PLXNA4: variants seen among roughly 807,000 people sequenced by gnomAD.
PLXNA4 encodes plexin A4, also known as plexin-A4.
In PLXNA4, 44 loss-of-function variants were observed where a neutral mutation model predicts 191.8. That is an observed-to-expected ratio of 0.23 (90% CI 0.18 to 0.29). The LOEUF (loss-of-function observed/expected upper bound fraction) is 0.29, where lower values mean the gene tolerates loss of function less well. Ranked by LOEUF, PLXNA4 falls within the 10% of genes least tolerant of loss-of-function variation. The pLI is 1.00. For missense variants in PLXNA4, 1,800 were observed against 2,488.8 expected (o/e 0.72, Z 5.89); for synonymous variants, 1,082 against 1,009.5 (o/e 1.07, Z -1.36).
intron 4 of PLXNA4, among the ~76,000 whole-genome samples, chr7:132,286,797 A>C (rs1356256036): frequency 1.3e-5 from 2 of 152,356 alleles, no homozygotes; most frequent in Non-Finnish European, 2.9e-5. Flanking sequence ...ACAGAGAAAA[A>C]TCCAGAGACA....
At chr7:132,162,334 C>CCAAG (rs1190150467) in intron 24 of PLXNA4, among the ~76,000 whole-genome samples, 1 of 152,238 alleles carries the variant, frequency 6.6e-6, no homozygotes, top group Admixed American at 6.5e-5. Context: ...CTCACTGCTC[C>CCAAG]TGTCCTCAAG....
chr7:132,407,839 C>T (rs1237064537), intron 3 of PLXNA4, among the ~76,000 whole-genome samples: 1 of 152,134 alleles, frequency 6.6e-6, no homozygotes, highest in Non-Finnish European at 1.5e-5. Flanking sequence ...TTTTATACAT[C>T]GGAAACAAGA....
intron 2 of PLXNA4, among the ~76,000 whole-genome samples, chr7:132,592,091 C>T (rs1252124012): frequency 6.6e-6 from 1 of 152,276 alleles, no homozygotes; most frequent in Non-Finnish European, 1.5e-5. Flanking sequence ...TGAAAGTCCC[C>T]TCAGGAAAGG....
At chr7:132,531,969 C>T (rs1476936591) in intron 1 of PLXNA4, among the ~76,000 whole-genome samples, 6 of 152,128 alleles carry the variant, frequency 3.9e-5, no homozygotes, top group South Asian at 2.1e-4. Flanking sequence ...ACTCAAAATC[C>T]GACATTGTAA....
At chr7:132,284,370 A>C (rs1800603361) in intron 4 of PLXNA4, among the ~76,000 whole-genome samples, 1 of 152,246 alleles carries the variant, frequency 6.6e-6, no homozygotes, top group African/African-American at 2.4e-5. Flanking sequence ...GGTCTCCTAC[A>C]CGTGTCATGC....
intron 1 of PLXNA4, among the ~76,000 whole-genome samples, chr7:132,548,748 C>G (rs1367089006): frequency 6.6e-6 from 1 of 152,060 alleles, no homozygotes; most frequent in Non-Finnish European, 1.5e-5. Flanking sequence ...GGCTACATTC[C>G]CAGAAGGTTA....
chr7:132,557,155 G>A (rs1800836723), intron 1 of PLXNA4, among the ~76,000 whole-genome samples: 1 of 152,210 alleles, frequency 6.6e-6, no homozygotes. Flanking sequence ...ATTGGGCTTT[G>A]CTATCCACAC....
At chr7:132,298,509 G>T (rs750039943) in intron 3 of PLXNA4, among the ~76,000 whole-genome samples, 1 of 152,228 alleles carries the variant, frequency 6.6e-6, no homozygotes, top group African/African-American at 2.4e-5. Context: ...CTTTCTTGCT[G>T]GTCTTTGGAG....
chr7:132,478,036 G>A (rs1300938940), intron 3 of PLXNA4, among the ~76,000 whole-genome samples: 2 of 152,202 alleles, frequency 1.3e-5, no homozygotes, highest in Non-Finnish European at 1.5e-5. Flanking sequence ...AGGCAGGGAA[G>A]CCATCAGTAC....
chr7:132,489,530 A>C, intron 2 of PLXNA4, 56 bp from the exon 3 acceptor site: 1 of 1,402,558 alleles, frequency 7.1e-7, no homozygotes, highest in Non-Finnish European at 9.7e-7. Flanking sequence ...ATTGGCAGAG[A>C]TATTAAGTCA....
intron 3 of PLXNA4, among the ~76,000 whole-genome samples, chr7:132,349,339 C>A (rs889690229): frequency 2.0e-5 from 3 of 152,080 alleles, no homozygotes; most frequent in Admixed American, 2.0e-4. Flanking sequence ...GAGGGAGCAA[C>A]TGGGTCCAGC....
chr7:132,185,276 G>T, intron 16 of PLXNA4, 23 bp downstream of exon 16: 1 of 1,598,558 alleles, frequency 6.3e-7, no homozygotes. Context: ...GAAGCATTAA[G>T]GTCCGCTTGG....
In PLXNA4 at chr7:132,594,975, TAATA is replaced by T. The variant is rs879344987; in HGVS notation, c.-87+50949_-87+50952del. On this transcript the variant is annotated intron_variant, in intron 2 of 4. Transcript: ENST00000378539. ...GATAGATAGATAGATAATTGATAGATAATAGATAGATAGATAGATAGATAGATAG... is the reference window on the plus strand; with the variant it reads ...GATAGATAGATAGATAATTGATAGATGATAGATAGATAGATAGATAGATAG... Among the ~76,000 whole-genome samples the T allele has an allele frequency of 5.0e-3, 680 of 136,760 alleles. 3 individuals carry two copies. Among genetic ancestry groups the T allele is most frequent in the Middle Eastern group, 0.027 (7 of 264 alleles). The allele number at this position is 136,760 out of a possible 152,430, so 89.7% of individuals were successfully genotyped here. A position where few individuals can be genotyped will look rare whatever the true frequency, so the allele number is the denominator to read the frequency against.
intron 3 of PLXNA4, among the ~76,000 whole-genome samples, chr7:132,478,797 A>G (rs1436378024): frequency 2.0e-5 from 3 of 152,072 alleles, no homozygotes; most frequent in Admixed American, 6.6e-5. Flanking sequence ...CTCAGGTCCA[A>G]CAATACCTGG....
At chr7:132,270,377 A>G (rs552699725) in intron 4 of PLXNA4, among the ~76,000 whole-genome samples, 1 of 152,342 alleles carries the variant, frequency 6.6e-6, no homozygotes, top group African/African-American at 2.4e-5. Flanking sequence ...AAATTATTCA[A>G]TATATCCCCT....
At chr7:132,249,542 G>A (rs1232160618) in intron 4 of PLXNA4, among the ~76,000 whole-genome samples, 1 of 152,188 alleles carries the variant, frequency 6.6e-6, no homozygotes, top group Non-Finnish European at 1.5e-5. Flanking sequence ...TGTGGGCTGC[G>A]CTAAAATGGC....
intron 3 of PLXNA4, among the ~76,000 whole-genome samples, chr7:132,345,127 A>G (rs1417641190): frequency 1.3e-5 from 2 of 152,354 alleles, no homozygotes; most frequent in East Asian, 3.9e-4. Flanking sequence ...TAGGAAATCC[A>G]TTGATAAGCA....
intron 3 of PLXNA4, among the ~76,000 whole-genome samples, chr7:132,322,860 C>T (rs1802227520): frequency 6.6e-6 from 1 of 152,198 alleles, no homozygotes; most frequent in Non-Finnish European, 1.5e-5. Flanking sequence ...TACCACTGTT[C>T]TGGGGTTCGG....
chr7:132,229,990 G>A (rs1224360853), intron 5 of PLXNA4, among the ~76,000 whole-genome samples: 1 of 152,168 alleles, frequency 6.6e-6, no homozygotes, highest in Non-Finnish European at 1.5e-5. Context: ...GCCATGGACT[G>A]AAGCTGTCCC....
Sources: gnomAD v4.1 joint callset for allele counts (sites outside exome capture counted in the v4.1 genomes callset) on GRCh38, gnomAD v4.1.1 for gene constraint, MANE v1.5 for transcripts, NCBI Gene and HGNC (gene_info 2026-07-23, HGNC 2026-07-21) for gene names.